Variants in CLCN1 observed in about 807,000 individuals in gnomAD.
CLCN1 encodes the protein chloride channel protein 1.
A neutral mutation model predicts 114.5 loss-of-function variants in CLCN1; 100 were observed. The observed-to-expected ratio is 0.87, with a 90% CI of 0.74 to 1.03. CLCN1 has a LOEUF of 1.03. Among genes scored for constraint, CLCN1 ranks in the 50% least tolerant of loss-of-function variants. The pLI is 0.00. For missense variants in CLCN1, 1,188 were observed against 1,250.0 expected, an observed-to-expected ratio of 0.95 and a Z score of 0.75; for synonymous variants, 485 against 487.1, an observed-to-expected ratio of 1.00 and a Z score of 0.06.
rs139971229 is a variant in CLCN1, at chr7:143,327,170, T to G, written c.853+2678T>G. Among the ~76,000 whole-genome samples, 440 of 151,802 alleles carry G rather than the reference T, an allele frequency of 2.9e-3. 5 individuals carry two copies. The highest frequency in any genetic ancestry group is 0.01 in the African/African-American group (414 of 41,336). On this transcript the variant is annotated intron_variant, in intron 7 of 22. Coordinates refer to ENST00000343257, the MANE Select transcript of CLCN1 (RefSeq NM_000083.3). ...CTAAGGTGGAAGAATCACTTGAACC[T>G]GGGAGGTGGAGGTTGTAGCAAGCTG...
chr7:143,342,301 A>G, intron 15 of CLCN1, 71 bp from the exon 16 acceptor site: 4 of 1,590,532 alleles, frequency 2.5e-6, no homozygotes, highest in Non-Finnish European at 3.4e-6. Flanking sequence ...AAAGTATGGC[A>G]AATCTTATGG....
chr7:143,335,648 A>G (rs1047414327), intron 12 of CLCN1, among the ~76,000 whole-genome samples: 2 of 144,952 alleles, frequency 1.4e-5, no homozygotes, highest in Non-Finnish European at 3.0e-5. Context: ...AAGATTCTCA[A>G]TTCAGCTGTT....
rs1802440031 is a variant in CLCN1, at chr7:143,321,704, A to G, written c.563-11A>G. The G allele has an allele frequency of 1.2e-6, 2 of 1,614,038 alleles. No homozygotes were observed. Among genetic ancestry groups the G allele is most frequent in the Non-Finnish European group, 1.7e-6 (2 of 1,180,026 alleles). On this transcript the variant is annotated splice_polypyrimidine_tract_variant and intron_variant, in intron 4 of 22. Transcript: ENST00000343257. The surrounding 1 kb of genome is among the most constrained non-coding windows in gnomAD (Gnocchi z 4.2). ...ACCTTGACCCTGCACATAATCTTTC[A>G]ACGCTTTTAGGCTCTGGAATCCCCG...
chr7:143,342,025 TG>T lies in CLCN1; in HGVS notation c.1681del (p.Val561TrpfsTer53). On this transcript the variant is annotated frameshift_variant, in exon 15 of 23. Coordinates refer to ENST00000343257, the MANE Select transcript of CLCN1 (RefSeq NM_000083.3). LOFTEE classifies it high-confidence loss of function. Reference protein sequence around the residue: ...TGQIAHILPMMVAVILANMVA... With the variant: ...TGQIAHILPMXVAVILANMVA... ...CAGATTGCTCACATCCTGCCCATGA[TG>T]GTGGCTGTTATCTTGGCCAACATGG... 1.2e-6 allele frequency: 2 copies of T among 1,614,202 alleles called. No individual in the cohort carries two copies.
At position 143,350,440 on chromosome 7, in the gene CLCN1, TC is replaced by T; in HGVS notation, c.2475del (p.Phe826SerfsTer26). 1 of 1,614,122 alleles carries T rather than the reference TC, an allele frequency of 6.2e-7. No individual in the cohort carries two copies. The highest frequency in any genetic ancestry group is 8.5e-7 in the Non-Finnish European group (1 of 1,179,960). On this transcript the variant is annotated frameshift_variant, in exon 21 of 23. Coordinates refer to ENST00000343257, the MANE Select transcript of CLCN1 (RefSeq NM_000083.3). LOFTEE classifies it high-confidence loss of function. The surrounding 1 kb of genome is among the most constrained non-coding windows in gnomAD (Gnocchi z 5.1). ...TTGATTCCTGCTGTATTGACCAGTC[TC>T]CCTTCCAGCTGGTGGAGCAGACAAC... ...CFDSCCIDQS[P>X]FQLVEQTTLH...
intron 7 of CLCN1, among the ~76,000 whole-genome samples, chr7:143,325,850 A>T (rs940069034): frequency 6.6e-6 from 1 of 152,232 alleles, no homozygotes; most frequent in Non-Finnish European, 1.5e-5. Flanking sequence ...AACAGTTCTG[A>T]AACCACTGTG....
In CLCN1 at chr7:143,351,675, A is replaced by G; in HGVS notation, c.2677A>G (p.Thr893Ala). ...TGCCAGCTTCCGGAACACGACTTCA[A>G]CTCGAAAGAGTACCGGGGCACCTCC... ...PLASFRNTTS[T>A]RKSTGAPPSS... Residue 893 changes from threonine to alanine, a missense_variant, in exon 23 of 23, where the codon ACT (threonine) becomes GCT (alanine). Coordinates refer to ENST00000343257, the MANE Select transcript of CLCN1 (RefSeq NM_000083.3). 1 of 1,614,070 alleles carries G rather than the reference A, an allele frequency of 6.2e-7. No individual in the cohort carries two copies.
rs1398166828 is a variant in CLCN1 at position 143,339,524 on chromosome 7, A to T, written c.1485A>T (p.Gly495=). The part of the protein sequence containing the change: ...MPVFVLGAAF[G]RLVGEIMAML... Reference sequence around the variant, plus strand: ...TCTTCCCTCTAGGAGCTGCATTTGGAAGGCTGGTAGGAGAAATCATGGCCA... The same window carrying T: ...TCTTCCCTCTAGGAGCTGCATTTGGTAGGCTGGTAGGAGAAATCATGGCCA... Residue 495 remains glycine (G), a synonymous_variant, in exon 14 of 23, where the codon GGA becomes GGT. Transcript: ENST00000343257. The surrounding 1 kb of genome is among the most constrained non-coding windows in gnomAD (Gnocchi z 4.1). 1 of 1,613,180 alleles carries T rather than the reference A, an allele frequency of 6.2e-7. No homozygotes were observed. The highest frequency in any genetic ancestry group is 1.3e-5 in the African/African-American group (1 of 74,900).
rs1802428736 is a variant in CLCN1, at chr7:143,321,414, C to T, written c.483C>T (p.Phe161=). 2.5e-6 allele frequency: 4 copies of T among 1,614,222 alleles called. No homozygotes were observed. Among genetic ancestry groups the T allele is most frequent in the Non-Finnish European group, 3.4e-6 (4 of 1,180,044 alleles). Reference sequence around the variant, plus strand: ...TGCAGCCCAGCCTTCCTCTGCAGTTCCTGGTCTGGGTCACCTTCCCACTAG... The same window carrying T: ...TGCAGCCCAGCCTTCCTCTGCAGTTTCTGGTCTGGGTCACCTTCCCACTAG... ...AQMQPSLPLQ[F]LVWVTFPLVL... is the part of the protein sequence containing the mutation. Residue 161 remains phenylalanine (F), a synonymous_variant, in exon 4 of 23, where the codon TTC becomes TTT. Coordinates refer to ENST00000343257, the MANE Select transcript of CLCN1 (RefSeq NM_000083.3). This position sits in a 1 kb window ranked among gnomAD's most constrained non-coding sequence, Gnocchi z 4.2.
At chr7:143,327,438 C>T (rs1802605980) in intron 7 of CLCN1, among the ~76,000 whole-genome samples, 1 of 152,006 alleles carries the variant, frequency 6.6e-6, no homozygotes, top group Admixed American at 6.5e-5. Flanking sequence ...TACTTGTGCA[C>T]AAGGAAGTGA....
rs55960271 is a variant in CLCN1, at chr7:143,351,678, C to T, written c.2680C>T (p.Arg894Ter). 3,648 of 1,614,164 alleles carry T rather than the reference C, an allele frequency of 2.3e-3. 13 individuals are homozygous for T. Among genetic ancestry groups the T allele is most frequent in the Non-Finnish European group, 2.0e-3 (2,398 of 1,180,018 alleles). The stretch of plus-strand genomic sequence containing the variant: ...CAGCTTCCGGAACACGACTTCAACT[C>T]GAAAGAGTACCGGGGCACCTCCATC... ...LASFRNTTST[R>*]KSTGAPPSSA... Residue 894 changes from arginine to a stop codon, truncating the protein, a stop_gained, in exon 23 of 23, where the codon CGA becomes TGA. Coordinates refer to ENST00000343257, the MANE Select transcript of CLCN1 (RefSeq NM_000083.3). LOFTEE classifies it high-confidence loss of function.
intron 7 of CLCN1, among the ~76,000 whole-genome samples, chr7:143,326,169 A>G (rs1802570457): frequency 6.6e-6 from 1 of 152,002 alleles, no homozygotes; most frequent in Non-Finnish European, 1.5e-5. Flanking sequence ...GGCCTGCGCC[A>G]TCACGCCTGG....
intron 16 of CLCN1, 56 bp downstream of exon 16, chr7:143,342,561 T>C (rs1442357510): frequency 1.1e-5 from 17 of 1,579,318 alleles, no homozygotes; most frequent in African/African-American, 4.0e-5. Context: ...AAGGGTCACA[T>C]AGAGGTAGAG....
At position 143,350,721 on chromosome 7, in the gene CLCN1, G is replaced by A. The variant is rs1199797858; in HGVS notation, c.2595+67G>A. The A allele has an allele frequency of 2.1e-5, 23 of 1,111,334 alleles. No homozygotes were observed. The Admixed American group carries it at 3.6e-4, about 17-fold the overall frequency. The allele number at this position is 1,111,334 out of a possible 1,614,324, so 68.8% of individuals were successfully genotyped here. ...GGGCATAGGATAAGGGGATGCAGTG[G>A]GGACAGAAGGAATATTAGCATCTCA... is the stretch of plus-strand genomic sequence containing the variant. On this transcript the variant is annotated intron_variant, in intron 22 of 22. Transcript: ENST00000343257. The surrounding 1 kb of genome is among the most constrained non-coding windows in gnomAD (Gnocchi z 5.1).
At chr7:143,332,341 C>T in intron 10 of CLCN1, 78 bp from the exon 11 acceptor site, 2 of 1,078,592 alleles carry the variant, frequency 1.9e-6, no homozygotes, top group Non-Finnish European at 2.9e-6. Context: ...CTAAAGGAAA[C>T]TTCAGCTTGC....
At chr7:143,319,674 T>C (rs1387446868) in intron 1 of CLCN1, 81 bp from the exon 2 acceptor site, 1 of 1,461,988 alleles carries the variant, frequency 6.8e-7, no homozygotes, top group Non-Finnish European at 9.6e-7. Context: ...TCTTTTCTTC[T>C]GTGAGTCTGT....
chr7:143,331,666 C>CT lies in CLCN1; in HGVS notation c.1166+16dup. The CT allele has an allele frequency of 6.5e-7, 1 of 1,549,746 alleles. No individual in the cohort carries two copies. The highest frequency in any genetic ancestry group is 8.9e-7 in the Non-Finnish European group (1 of 1,121,368). ...TCTTGCTAAGCAGTGAGTCACTGCC[C>CT]TTCTTTTGCCCTACCCATTTACTTT... is the stretch of plus-strand genomic sequence containing the variant. On this transcript the variant is annotated intron_variant, in intron 10 of 22. Transcript: ENST00000343257.
intron 8 of CLCN1, 91 bp downstream of exon 8, chr7:143,330,988 G>C: frequency 1.9e-6 from 3 of 1,577,034 alleles, no homozygotes; most frequent in Non-Finnish European, 2.6e-6. Context: ...GTTCAGAAAA[G>C]GAATAATGGG....
At chr7:143,341,787 C>G in intron 14 of CLCN1, 142 bp from the exon 15 acceptor site, 1 of 713,876 alleles carries the variant, frequency 1.4e-6, no homozygotes, top group South Asian at 1.5e-5. Context: ...ATTCTATTCC[C>G]TACTCTTGAC....
Sources: gnomAD v4.1 joint callset for allele counts (sites outside exome capture counted in the v4.1 genomes callset) on GRCh38, gnomAD v4.1.1 for gene constraint, Gnocchi (gnomAD v3.1) non-coding constraint, MANE v1.5 for transcripts, NCBI Gene and HGNC (gene_info 2026-07-23, HGNC 2026-07-21) for gene names.